PCDHA3: variants seen among roughly 807,000 people sequenced by gnomAD.
The protein encoded by PCDHA3 is protocadherin alpha 3.
In PCDHA3, 41 loss-of-function variants were observed where a neutral mutation model predicts 62.2. That is an observed-to-expected ratio of 0.66 (90% CI 0.51 to 0.86). The LOEUF is 0.86. Among genes scored for constraint, PCDHA3 ranks in the 40% least tolerant of loss-of-function variants. The pLI is 0.00. For synonymous variants in PCDHA3, 640 were observed against 555.4 expected (o/e 1.15, Z -2.14); for missense variants, 1,304 against 1,241.2 (o/e 1.05, Z -0.76).
rs1554165105 is a variant in PCDHA3 at position 140,871,093 on chromosome 5, G to A, written c.2394+67502G>A. 3 of 1,613,300 alleles carry A rather than the reference G, an allele frequency of 1.9e-6. No individual in the cohort carries two copies. Among genetic ancestry groups the A allele is most frequent in the East Asian group, 4.5e-5 (2 of 44,870 alleles). ...GCCGGCGCTGACGGCCACGGCCACC[G>A]TGCTGGTGTCGTTGGTGGAGAGCGG... On this transcript the variant is annotated intron_variant, in intron 1 of 3. Transcript: ENST00000522353.
chr5:140,882,375 C>T (rs879994353), intron 1 of PCDHA3: 1 of 1,614,212 alleles, frequency 6.2e-7, no homozygotes, highest in Non-Finnish European at 8.5e-7. Context: ...TACTCCGTCC[C>T]CGAGGAAGCA....
Position 140,801,584 on chromosome 5 carries a change from C to A in PCDHA3, c.387C>A (p.Asn129Lys). The A allele has an allele frequency of 6.2e-6, 10 of 1,614,200 alleles. No homozygotes were observed. Among genetic ancestry groups the A allele is most frequent in the Non-Finnish European group, 8.5e-6 (10 of 1,180,038 alleles). ...TGGAAGTGAAGGACATTAATGACAA[C>A]GCGCCAGTTTTTCCAATGGCTGTAA... ...VEVEVKDIND[N>K]APVFPMAVKN... The change falls in exon 1 of 4, where the codon AAC becomes AAA. Residue 129 changes from asparagine (N) to lysine (K), a missense_variant. Coordinates refer to ENST00000522353, the MANE Select transcript of PCDHA3 (RefSeq NM_018906.3).
intron 1 of PCDHA3, chr5:140,830,284 G>A (rs536478075): frequency 3.1e-6 from 5 of 1,613,734 alleles, no homozygotes; most frequent in Admixed American, 1.7e-5. Context: ...CCGAGGGCGC[G>A]TGCACGGCGG....
chr5:140,813,058 C>T (rs10223116), intron 1 of PCDHA3: 71,793 of 151,960 alleles, frequency 0.47, 17,482 homozygotes, highest in Middle Eastern at 0.61. Flanking sequence ...TGTGACCTGA[C>T]GTGTGATTTA....
intron 1 of PCDHA3, among the ~76,000 whole-genome samples, chr5:140,977,613 G>T (rs1554238687): frequency 2.0e-5 from 3 of 152,150 alleles, no homozygotes; most frequent in African/African-American, 7.2e-5. Flanking sequence ...TTGAGGTAAA[G>T]TATCCCAGAG....
At chr5:140,835,979 G>T (rs1774093579) in intron 1 of PCDHA3, 2 of 1,613,412 alleles carry the variant, frequency 1.2e-6, no homozygotes, top group East Asian at 4.5e-5. Context: ...AGCTGTTGCA[G>T]TTCCAGGTGA....
At position 140,805,202 on chromosome 5, in the gene PCDHA3, C is replaced by G. The variant is rs1440832187; in HGVS notation, c.2394+1611C>G. 6 of 1,438,084 alleles carry G rather than the reference C, an allele frequency of 4.2e-6. No homozygotes were observed. In the African/African-American group the frequency reaches 7.2e-5, roughly 17 times the overall value. 89.1% of individuals were successfully genotyped at this position (1,438,084 alleles called of 1,614,324 possible). A position where few individuals can be genotyped will look rare whatever the true frequency, so the allele number is the denominator to read the frequency against. The stretch of plus-strand genomic sequence containing the variant: ...TGCCAAATAAATATTGAATAGCTAC[C>G]AAATAAACATTGTTTTCTATTCTGC... On this transcript the variant is annotated intron_variant, in intron 1 of 3. Coordinates refer to ENST00000522353, the MANE Select transcript of PCDHA3 (RefSeq NM_018906.3).
At chr5:140,829,347 C>T in intron 1 of PCDHA3, 5 of 1,614,232 alleles carry the variant, frequency 3.1e-6, no homozygotes, top group Non-Finnish European at 4.2e-6. Flanking sequence ...GAGAGCGTGT[C>T]GGCCTATGAG....
At chr5:140,969,485 T>C (rs1485555970) in intron 1 of PCDHA3, 4 of 1,461,452 alleles carry the variant, frequency 2.7e-6, no homozygotes, top group African/African-American at 2.9e-5. Flanking sequence ...CATAATCTGC[T>C]ATTTCCTCTC....
intron 1 of PCDHA3, among the ~76,000 whole-genome samples, chr5:140,881,688 T>C (rs2153380887): frequency 6.6e-6 from 1 of 152,368 alleles, no homozygotes; most frequent in Middle Eastern, 3.4e-3. Flanking sequence ...TATGTTTCCT[T>C]TTGGAGTCAA....
intron 1 of PCDHA3, chr5:140,875,618 C>T (rs1554167806): frequency 3.1e-6 from 5 of 1,613,806 alleles, no homozygotes; most frequent in Non-Finnish European, 3.4e-6. Context: ...GGCCGCATCG[C>T]TCAGGACCTG....
chr5:140,854,867 G>T (rs2043248640), intron 1 of PCDHA3, among the ~76,000 whole-genome samples: 1 of 149,650 alleles, frequency 6.7e-6, no homozygotes, highest in East Asian at 1.9e-4. Context: ...ATATATTTCA[G>T]AACTGTGTCT....
chr5:140,853,955 T>A, intron 1 of PCDHA3: 1 of 752,642 alleles, frequency 1.3e-6, no homozygotes, highest in Non-Finnish European at 1.7e-6. Flanking sequence ...GGTCCCTTCC[T>A]TGAGCCCAGC....
chr5:140,969,483 G>T (rs531496681), intron 1 of PCDHA3: 15 of 1,462,254 alleles, frequency 1.0e-5, no homozygotes, highest in Non-Finnish European at 1.3e-5. Context: ...ATCATAATCT[G>T]CTATTTCCTC....
intron 1 of PCDHA3, chr5:140,926,589 G>T (rs929081687): frequency 1.7e-5 from 5 of 292,778 alleles, no homozygotes; most frequent in Non-Finnish European, 2.5e-5. Flanking sequence ...TCTCGCGCCC[G>T]GGCGGGCGGC....
At chr5:140,925,537 A>G (rs1325632505) in intron 1 of PCDHA3, among the ~76,000 whole-genome samples, 4 of 152,070 alleles carry the variant, frequency 2.6e-5, no homozygotes, top group Non-Finnish European at 2.9e-5. Flanking sequence ...GAGGAGAAAT[A>G]CCTAATGTAA....
At chr5:140,806,153 A>G (rs1763692045) in intron 1 of PCDHA3, among the ~76,000 whole-genome samples, 1 of 152,224 alleles carries the variant, frequency 6.6e-6, no homozygotes, top group South Asian at 2.1e-4. Flanking sequence ...TTAAGTGGTT[A>G]TAAAATGGGG....
rs1163429543 is a variant in PCDHA3, at chr5:140,801,722, T to C, written c.525T>C (p.Thr175=). Residue 175 remains threonine (T), a synonymous_variant, in exon 1 of 4, where the codon ACT becomes ACC. Transcript: ENST00000522353. ...TGTTGACTTACAGTCTTGATTCCAC[T>C]GAATATTTTACCTTGGACGTTAAAA... is the stretch of plus-strand genomic sequence containing the variant. The part of the protein sequence containing the change: ...NSLLTYSLDS[T]EYFTLDVKRN... 1.9e-6 allele frequency: 3 copies of C among 1,578,032 alleles called. No homozygotes were observed. The highest frequency in any genetic ancestry group is 2.6e-6 in the Non-Finnish European group (3 of 1,150,562).
At chr5:140,927,556 A>G (rs1428283255) in intron 1 of PCDHA3, 15 of 1,614,022 alleles carry the variant, frequency 9.3e-6, no homozygotes, top group African/African-American at 1.3e-5. Flanking sequence ...AGTCACCATC[A>G]TTGTGGTGGA....
Sources: gnomAD v4.1 joint callset for allele counts (sites outside exome capture counted in the v4.1 genomes callset) on GRCh38, gnomAD v4.1.1 for gene constraint, MANE v1.5 for transcripts, NCBI Gene and HGNC (gene_info 2026-07-23, HGNC 2026-07-21) for gene names.